The following UTRN variants were observed in gnomAD, a reference collection of about 807,000 sequenced individuals.
UTRN encodes dystrophin-related protein 1.
In UTRN, 283 loss-of-function variants were observed where a neutral mutation model predicts 463.9. That is an observed-to-expected ratio of 0.61 (90% CI 0.55 to 0.67). The LOEUF (loss-of-function observed/expected upper bound fraction) is 0.67, where lower values mean the gene tolerates loss of function less well. UTRN is among the 30% of genes least tolerant of loss of function. The pLI, the probability that UTRN is intolerant of heterozygous loss-of-function variation, is 0.00. For synonymous variants in UTRN, 1,442 were observed against 1,431.5 expected (o/e 1.01, Z -0.17); for missense variants, 3,922 against 4,084.3 (o/e 0.96, Z 1.08).
intron 51 of UTRN, among the ~76,000 whole-genome samples, chr6:144,609,012 C>T (rs1201026604): frequency 6.6e-6 from 1 of 152,104 alleles, no homozygotes; most frequent in Non-Finnish European, 1.5e-5. Flanking sequence ...TCCAAAACGG[C>T]AGTAGCAATT....
At chr6:144,765,985 A>G (rs1019326347) in intron 58 of UTRN, among the ~76,000 whole-genome samples, 4 of 151,692 alleles carry the variant, frequency 2.6e-5, no homozygotes, top group Non-Finnish European at 5.9e-5. Flanking sequence ...TTAAAAGCTT[A>G]GAGGACAGTA....
chr6:144,515,941 T>C (rs1449023674), intron 37 of UTRN, among the ~76,000 whole-genome samples: 1 of 152,202 alleles, frequency 6.6e-6, no homozygotes, highest in Non-Finnish European at 1.5e-5. Context: ...AGTTTCCTGC[T>C]ATGCTCGCAT....
At chr6:144,398,589 A>G (rs1018728283) in intron 2 of UTRN, 1 of 232,644 alleles carries the variant, frequency 4.3e-6, no homozygotes, top group Non-Finnish European at 8.5e-6. Flanking sequence ...CCCAGGAGCT[A>G]TGATACATAC....
At chr6:144,301,046 A>G (rs1805198054) in intron 2 of UTRN, among the ~76,000 whole-genome samples, 3 of 152,058 alleles carry the variant, frequency 2.0e-5, no homozygotes, top group Admixed American at 2.0e-4. Context: ...CTTACCCTAA[A>G]GCCCAGCTTT....
intron 51 of UTRN, among the ~76,000 whole-genome samples, chr6:144,672,619 C>T (rs991585254): frequency 6.6e-6 from 1 of 151,984 alleles, no homozygotes; most frequent in African/African-American, 2.4e-5. Context: ...AGAACCAGCT[C>T]TTTGTTTCAC....
At chr6:144,694,705 T>C (rs1164987780) in intron 52 of UTRN, among the ~76,000 whole-genome samples, 4 of 152,168 alleles carry the variant, frequency 2.6e-5, no homozygotes, top group Non-Finnish European at 5.9e-5. Flanking sequence ...TCTCTGATGG[T>C]TGTATTTTTG....
intron 51 of UTRN, among the ~76,000 whole-genome samples, chr6:144,599,938 G>A (rs906877223): frequency 2.6e-5 from 4 of 152,034 alleles, no homozygotes; most frequent in Admixed American, 2.6e-4. Context: ...GTGTCTCTGT[G>A]TCACAGTTTG....
chr6:144,676,248 T>C (rs1781579665), intron 51 of UTRN, among the ~76,000 whole-genome samples: 1 of 152,152 alleles, frequency 6.6e-6, no homozygotes, highest in Non-Finnish European at 1.5e-5. Flanking sequence ...AGCCAGAAAT[T>C]TTTCTGTTAC....
chr6:144,532,622 A>G (rs969988924), intron 42 of UTRN, among the ~76,000 whole-genome samples: 3 of 152,220 alleles, frequency 2.0e-5, no homozygotes, highest in Non-Finnish European at 4.4e-5. Context: ...AACCATATCA[A>G]CCAGTGAAGC....
chr6:144,375,424 A>C (rs370968458), intron 2 of UTRN, among the ~76,000 whole-genome samples: 1 of 152,236 alleles, frequency 6.6e-6, no homozygotes, highest in African/African-American at 2.4e-5. Context: ...CACAGATCTA[A>C]AAGTGATCTG....
intron 23 of UTRN, among the ~76,000 whole-genome samples, chr6:144,463,419 A>C (rs1789609222): frequency 6.6e-6 from 1 of 152,178 alleles, no homozygotes; most frequent in Admixed American, 6.6e-5. Flanking sequence ...GAAAGGATAA[A>C]TGTGAGGATG....
At chr6:144,734,570 G>A (rs1022881688) in intron 54 of UTRN, among the ~76,000 whole-genome samples, 7 of 152,058 alleles carry the variant, frequency 4.6e-5, no homozygotes, top group African/African-American at 1.2e-4. Flanking sequence ...CCACTGGGCC[G>A]CTCTTGGCTC....
chr6:144,715,213 G>C (rs2128705722), intron 53 of UTRN, among the ~76,000 whole-genome samples: 1 of 152,164 alleles, frequency 6.6e-6, no homozygotes, highest in East Asian at 1.9e-4. Flanking sequence ...CAGTTGGTAG[G>C]AATATTATTT....
chr6:144,646,712 C>A (rs569329191), intron 51 of UTRN, among the ~76,000 whole-genome samples: 1 of 151,984 alleles, frequency 6.6e-6, no homozygotes, highest in African/African-American at 2.4e-5. Context: ...TATCAGGGGG[C>A]GGCTTTTAAT....
chr6:144,382,663 G>A (rs981367411), intron 2 of UTRN, among the ~76,000 whole-genome samples: 1 of 152,164 alleles, frequency 6.6e-6, no homozygotes, highest in Non-Finnish European at 1.5e-5. Context: ...AAGACATAAA[G>A]CAGTCAAAAA....
At chr6:144,449,435 C>T (rs571548203) in intron 17 of UTRN, among the ~76,000 whole-genome samples, 7 of 152,286 alleles carry the variant, frequency 4.6e-5, no homozygotes, top group African/African-American at 1.4e-4. Context: ...AATGTAGACA[C>T]CTGTTCCTGT....
At chr6:144,683,721 C>T (rs1222805070) in intron 52 of UTRN, among the ~76,000 whole-genome samples, 1 of 152,158 alleles carries the variant, frequency 6.6e-6, no homozygotes, top group Non-Finnish European at 1.5e-5. Flanking sequence ...AGGTTAATTT[C>T]CTCATTTTCC....
chr6:144,675,197 A>G (rs1392726370), intron 51 of UTRN, among the ~76,000 whole-genome samples: 1 of 152,104 alleles, frequency 6.6e-6, no homozygotes. Context: ...GGGCTTCCTG[A>G]GAACCAGACT....
intron 2 of UTRN, among the ~76,000 whole-genome samples, chr6:144,303,344 A>T (rs1368505505): frequency 6.6e-6 from 1 of 152,242 alleles, no homozygotes; most frequent in Non-Finnish European, 1.5e-5. Flanking sequence ...CTTTTTAGTA[A>T]CAGTATCTAT....
Sources: allele counts gnomAD v4.1 joint callset (sites outside exome capture counted in the v4.1 genomes callset), GRCh38; gene constraint gnomAD v4.1.1; transcripts MANE v1.5; gene names NCBI Gene and HGNC (gene_info 2026-07-23, HGNC 2026-07-21).